The following SLC39A6 variants were observed in gnomAD, a reference collection of about 807,000 sequenced individuals.
SLC39A6 encodes the protein solute carrier family 39 member 6.
Under a neutral mutation model 63.5 loss-of-function variants are expected in SLC39A6, and 51 were observed. The ratio of observed to expected loss-of-function variants is 0.80; its 90% CI spans 0.64 to 1.01. The LOEUF is 1.01. SLC39A6 is among the 50% of genes least tolerant of loss of function. SLC39A6 has a pLI of 0.00. For synonymous variants in SLC39A6, 318 were observed against 324.7 expected (o/e 0.98, Z 0.22); for missense variants, 805 against 927.8 (o/e 0.87, Z 1.72).
chr18:36,126,878 T>C lies in SLC39A6; in HGVS notation c.130A>G (p.Ile44Val). 1.2e-6 allele frequency: 2 copies of C among 1,614,262 alleles called. No individual in the cohort carries two copies. Among genetic ancestry groups the C allele is most frequent in the African/African-American group, 1.3e-5 (1 of 75,076 alleles). The change falls in exon 2 of 10, where the codon ATT becomes GTT. Residue 44 changes from isoleucine to valine, a missense_variant. Physicochemically the swap from Ile to Val is conservative, Grantham distance 29. Transcript: ENST00000269187. ...EKISPNWESG[I>V]NVDLAISTRQ... ...GTGGAAATTGCCAAGTCAACATTAA[T>C]GCCAGATTCCCAATTCGGACTAATT... is the stretch of plus-strand genomic sequence containing the variant.
At chr18:36,116,607 C>T (rs1374798198) in intron 6 of SLC39A6, 67 bp downstream of exon 6, 5 of 1,093,354 alleles carry the variant, frequency 4.6e-6, no homozygotes, top group Non-Finnish European at 6.9e-6. Flanking sequence ...TCCAGATAGT[C>T]AAGTTGCCTG....
At chr18:36,116,807 TAAAACAG>T (rs752408372) in intron 5 of SLC39A6, 28 bp from the exon 6 acceptor site, 43 of 1,515,074 alleles carry the variant, frequency 2.8e-5, no homozygotes, top group Non-Finnish European at 3.7e-5. Flanking sequence ...AACAATACTT[TAAAACAG>T]TAATTTGTTT....
intron 5 of SLC39A6, among the ~76,000 whole-genome samples, chr18:36,118,131 G>T (rs2089363245): frequency 6.6e-6 from 1 of 151,622 alleles, no homozygotes; most frequent in African/African-American, 2.4e-5. Context: ...AAAAATAAAT[G>T]AACTCAGGGT....
chr18:36,126,876 A>G lies in SLC39A6; in HGVS notation c.132T>C (p.Ile44=). 1 of 1,614,210 alleles carries G rather than the reference A, an allele frequency of 6.2e-7. No individual in the cohort carries two copies. The highest frequency in any genetic ancestry group is 8.5e-7 in the Non-Finnish European group (1 of 1,180,044). Residue 44 remains isoleucine, a synonymous_variant, in exon 2 of 10, where the codon ATT becomes ATC. Coordinates refer to ENST00000269187, the MANE Select transcript of SLC39A6 (RefSeq NM_012319.4). ...EKISPNWESG[I]NVDLAISTRQ... is the part of the protein sequence containing the mutation. ...GTGTGGAAATTGCCAAGTCAACATT[A>G]ATGCCAGATTCCCAATTCGGACTAA...
At chr18:36,124,987 G>A (rs983940587) in intron 2 of SLC39A6, among the ~76,000 whole-genome samples, 2 of 152,116 alleles carry the variant, frequency 1.3e-5, no homozygotes, top group African/African-American at 4.8e-5. Context: ...AGATTCACAA[G>A]CCTGTTAACT....
At chr18:36,113,813 C>T (rs1200872131) in intron 7 of SLC39A6, among the ~76,000 whole-genome samples, 2 of 151,982 alleles carry the variant, frequency 1.3e-5, no homozygotes, top group Non-Finnish European at 2.9e-5. Context: ...CATACATGCA[C>T]CATACAAATT....
chr18:36,111,875 C>G (rs1270585228), intron 8 of SLC39A6, among the ~76,000 whole-genome samples: 1 of 152,136 alleles, frequency 6.6e-6, no homozygotes, highest in African/African-American at 2.4e-5. Flanking sequence ...GCAGTGTTTT[C>G]AAGGAGCTTG....
At chr18:36,111,292 T>A in intron 8 of SLC39A6, 43 bp from the exon 9 acceptor site, 1 of 1,589,660 alleles carries the variant, frequency 6.3e-7, no homozygotes, top group Non-Finnish European at 8.6e-7. Flanking sequence ...CATTGAGAAA[T>A]CATTTTTAAG....
chr18:36,123,101 C>T (rs1598711608), intron 4 of SLC39A6, among the ~76,000 whole-genome samples: 1 of 152,146 alleles, frequency 6.6e-6, no homozygotes, highest in Non-Finnish European at 1.5e-5. Context: ...TAAATACATA[C>T]ATAAACATTC....
In SLC39A6 at chr18:36,111,042, A is replaced by G. The variant is rs773415753; in HGVS notation, c.2115+17T>C. On this transcript the variant is annotated intron_variant, in intron 9 of 9. Coordinates refer to ENST00000269187, the MANE Select transcript of SLC39A6 (RefSeq NM_012319.4). ...TATTGTTGGTCAATAATGTAATAAG[A>G]CTTCTTAAAAACTTACCATATCAAC... The G allele has an allele frequency of 4.3e-6, 7 of 1,612,634 alleles. No homozygotes were observed. In the African/African-American group the frequency reaches 9.4e-5, roughly 22 times the overall value.
chr18:36,116,987 G>A (rs934741396), intron 5 of SLC39A6, among the ~76,000 whole-genome samples: 5 of 152,092 alleles, frequency 3.3e-5, no homozygotes, highest in South Asian at 2.1e-4. Flanking sequence ...GCCTGTAATC[G>A]CAGCACTTTG....
chr18:36,115,485 CAACAACA>C (rs2089337537), intron 6 of SLC39A6, among the ~76,000 whole-genome samples: 2 of 151,246 alleles, frequency 1.3e-5, no homozygotes, highest in African/African-American at 2.4e-5. Context: ...ACAACAACAA[CAACAACA>C]ACCATATATC....
intron 8 of SLC39A6, 147 bp from the exon 9 acceptor site, chr18:36,111,396 A>T: frequency 1.5e-6 from 1 of 685,744 alleles, no homozygotes; most frequent in Non-Finnish European, 2.5e-6. Context: ...CTAGGGTTAA[A>T]GCAGTGTTAG....
intron 5 of SLC39A6, among the ~76,000 whole-genome samples, chr18:36,117,888 G>A (rs1198970077): frequency 2.6e-5 from 4 of 152,010 alleles, no homozygotes; most frequent in African/African-American, 7.2e-5. Flanking sequence ...AAAATTAGCC[G>A]GGCGTGTTGG....
In SLC39A6 at chr18:36,109,646, T is replaced by C. The variant is rs2089285174; in HGVS notation, c.2215A>G (p.Met739Val). ...NAGMLLGFGI[M>V]LLISIFEHKI... Reference sequence around the variant, plus strand: ...TGTTCAAATATGGAAATAAGTAACATAATTCCAAAACCCAAAAGCATCCCA... The same window carrying C: ...TGTTCAAATATGGAAATAAGTAACACAATTCCAAAACCCAAAAGCATCCCA... Residue 739 changes from methionine to valine, a missense_variant, in exon 10 of 10, where the codon ATG becomes GTG. Physicochemically the swap from Met to Val is conservative, Grantham distance 21 (BLOSUM62 1). Coordinates refer to ENST00000269187, the MANE Select transcript of SLC39A6 (RefSeq NM_012319.4). The C allele has an allele frequency of 1.2e-6, 2 of 1,611,686 alleles. No individual in the cohort carries two copies. The highest frequency in any genetic ancestry group is 1.3e-5 in the African/African-American group (1 of 74,846).
chr18:36,124,783 G>A, intron 2 of SLC39A6, 83 bp from the exon 3 acceptor site: 1 of 1,094,690 alleles, frequency 9.1e-7, no homozygotes, highest in Non-Finnish European at 1.3e-6. Flanking sequence ...TTTTACTAAT[G>A]CTACTTCGTT....
In SLC39A6 at chr18:36,122,070, A is replaced by T; in HGVS notation, c.1341T>A (p.Phe447Leu). The change falls in exon 5 of 10, where the codon TTT becomes TTA. Residue 447 changes from phenylalanine to leucine, a missense_variant. By Grantham distance (22) the Phe-to-Leu change is conservative. Transcript: ENST00000269187. ...TTCTTACCTTTTTCTTCTTATCTTT[A>T]AATTGTTTGATCAATGTGAGGACAT... ...VEHVLTLIKQFKDKKKKNQKK... is the reference protein window; with the variant it reads ...VEHVLTLIKQLKDKKKKNQKK... The T allele has an allele frequency of 6.2e-7, 1 of 1,611,314 alleles. No homozygotes were observed. The highest frequency in any genetic ancestry group is 8.5e-7 in the Non-Finnish European group (1 of 1,178,340).
Position 36,122,099 on chromosome 18 carries a change from C to T in SLC39A6, c.1312G>A (p.Glu438Lys). ...LGGLYFMFLV[E>K]HVLTLIKQFK... ...TGTTTGATCAATGTGAGGACATGTT[C>T]AACAAGAAACATGAAATACAGGCCT... The change falls in exon 5 of 10, where the codon GAA (glutamate) becomes AAA (lysine). Residue 438 changes from glutamate (E) to lysine (K), a missense_variant. Physicochemically the swap from Glu to Lys is moderately conservative, Grantham distance 56. This residue lies in a region of SLC39A6 where 639 missense variants were observed against 644.0 expected (regional missense o/e 0.99). Transcript: ENST00000269187. The T allele has an allele frequency of 1.2e-6, 2 of 1,613,776 alleles. No homozygotes were observed. The highest frequency in any genetic ancestry group is 1.7e-6 in the Non-Finnish European group (2 of 1,179,882).
rs1458892584 is a variant in SLC39A6, at chr18:36,123,615, C to G, written c.1020G>C (p.Leu340=). The G allele has an allele frequency of 6.8e-6, 11 of 1,612,826 alleles. No individual in the cohort carries two copies. The highest frequency in any genetic ancestry group is 9.3e-6 in the Non-Finnish European group (11 of 1,179,768). The stretch of plus-strand genomic sequence containing the variant: ...TGAGAGGCACTAAGATAACCCCCAG[C>G]AGAGACAGGAAACTGATGATGGAAA... ...IAISIISFLS[L]LGVILVPLMN... The change falls in exon 4 of 10, where the codon CTG becomes CTC. Residue 340 remains leucine, a synonymous_variant. Coordinates refer to ENST00000269187, the MANE Select transcript of SLC39A6 (RefSeq NM_012319.4).
Sources: allele counts gnomAD v4.1 joint callset (sites outside exome capture counted in the v4.1 genomes callset), GRCh38; gene constraint gnomAD v4.1.1; regional missense constraint gnomAD v4.1.1; transcripts MANE v1.5; gene names NCBI Gene and HGNC (gene_info 2026-07-23, HGNC 2026-07-21).